The following KCNN2 variants were observed in gnomAD, a reference collection of about 807,000 sequenced individuals.
The protein encoded by KCNN2 is potassium calcium-activated channel subfamily N member 2.
Under a neutral mutation model 55.5 loss-of-function variants are expected in KCNN2, and 24 were observed. The ratio of observed to expected loss-of-function variants is 0.43; its 90% CI spans 0.31 to 0.61. The LOEUF is 0.61. Among genes scored for constraint, KCNN2 ranks in the 20% least tolerant of loss-of-function variants. KCNN2 has a pLI of 0.08. For missense variants in KCNN2, 754 were observed against 853.6 expected (o/e 0.88, Z 1.45); for synonymous variants, 431 against 336.1 (o/e 1.28, Z -3.09).
intron 1 of KCNN2, among the ~76,000 whole-genome samples, chr5:114,189,260 G>T (rs377049454): frequency 6.6e-6 from 1 of 152,002 alleles, no homozygotes; most frequent in East Asian, 1.9e-4. Flanking sequence ...ACCCAGGAGA[G>T]TCAATGGTAC....
chr5:114,218,871 T>G (rs1238481217), intron 1 of KCNN2, among the ~76,000 whole-genome samples: 2 of 152,218 alleles, frequency 1.3e-5, no homozygotes, highest in African/African-American at 2.4e-5. Context: ...AGCACGATAT[T>G]TCTCTGACAC....
At chr5:114,469,918 G>A (rs1561403903) in intron 4 of KCNN2, among the ~76,000 whole-genome samples, 1 of 152,136 alleles carries the variant, frequency 6.6e-6, no homozygotes, top group Non-Finnish European at 1.5e-5. Context: ...CAGTTAAGGG[G>A]TTTGTATTTG....
intron 3 of KCNN2, among the ~76,000 whole-genome samples, chr5:114,442,241 T>C (rs1283170779): frequency 6.7e-6 from 1 of 149,790 alleles, no homozygotes; most frequent in Non-Finnish European, 1.5e-5. Context: ...ACGAATTATA[T>C]ATATACATAT....
At chr5:114,178,358 C>G (rs1384143665) in intron 1 of KCNN2, among the ~76,000 whole-genome samples, 2 of 152,242 alleles carry the variant, frequency 1.3e-5, no homozygotes, top group African/African-American at 2.4e-5. Flanking sequence ...TAGAATGTGT[C>G]CATCTGAAGA....
chr5:114,367,856 T>G (rs1396386920), intron 2 of KCNN2, among the ~76,000 whole-genome samples: 1 of 152,180 alleles, frequency 6.6e-6, no homozygotes, highest in East Asian at 1.9e-4. Context: ...TACTTTGAGG[T>G]AGGCAAACAT....
chr5:114,355,482 C>A (rs572490574), intron 2 of KCNN2, among the ~76,000 whole-genome samples: 1 of 152,148 alleles, frequency 6.6e-6, no homozygotes, highest in Non-Finnish European at 1.5e-5. Flanking sequence ...AAGCTTTCAC[C>A]TCAGTATTTA....
intron 5 of KCNN2, 155 bp downstream of exon 5, chr5:114,473,319 A>T: frequency 4.7e-6 from 3 of 631,820 alleles, no homozygotes; most frequent in African/African-American, 3.6e-5. Flanking sequence ...CATTTTGAGA[A>T]TAGACTATTT....
intron 2 of KCNN2, among the ~76,000 whole-genome samples, chr5:114,351,401 T>C (rs1757201299): frequency 6.6e-6 from 1 of 151,796 alleles, no homozygotes; most frequent in Admixed American, 6.6e-5. Flanking sequence ...AAGAGATAGG[T>C]TGATTACTTC....
At chr5:114,144,072 T>G (rs1340920539) in intron 1 of KCNN2, among the ~76,000 whole-genome samples, 1 of 152,216 alleles carries the variant, frequency 6.6e-6, no homozygotes, top group Non-Finnish European at 1.5e-5. Context: ...AGCAGTTAAG[T>G]GTGCTTGAGA....
At position 114,077,889 on chromosome 5, in the gene KCNN2, A is replaced by T. The variant is rs145705844; in HGVS notation, c.-271+21389A>T. 4.0e-3 allele frequency among the ~76,000 whole-genome samples: 605 copies of T among 152,310 alleles called. 7 individuals carry two copies. The highest frequency in any genetic ancestry group is 0.014 in the African/African-American group (580 of 41,562). The stretch of plus-strand genomic sequence containing the variant: ...TCCTTCTCACCTGCCCTCTTTGTGC[A>T]ATTGAAAACAGACCAGGAGAGACTT... On this transcript the variant is annotated intron_variant, in intron 1 of 10. Transcript: ENST00000512097.
chr5:114,352,052 G>A (rs1038424382), intron 2 of KCNN2, among the ~76,000 whole-genome samples: 1 of 151,694 alleles, frequency 6.6e-6, no homozygotes, highest in Non-Finnish European at 1.5e-5. Flanking sequence ...GAAGCCAACA[G>A]GGCCTGGCCA....
chr5:114,402,274 G>GGTAT (rs1344777096), intron 2 of KCNN2, among the ~76,000 whole-genome samples: 18 of 152,264 alleles, frequency 1.2e-4, no homozygotes, highest in Admixed American at 7.8e-4. Context: ...TCATAATGAA[G>GGTAT]GTATCTTTAG....
intron 2 of KCNN2, among the ~76,000 whole-genome samples, chr5:114,241,478 T>G (rs1754619151): frequency 6.6e-6 from 1 of 151,484 alleles, no homozygotes; most frequent in South Asian, 2.1e-4. Flanking sequence ...AACTAAAATA[T>G]ACCAAAATGG....
chr5:114,159,102 C>T (rs531327749), intron 1 of KCNN2, among the ~76,000 whole-genome samples: 63 of 152,248 alleles, frequency 4.1e-4, no homozygotes, highest in Admixed American at 1.2e-3. Context: ...GGAATGCTTT[C>T]GGTTTTTGTC....
intron 2 of KCNN2, among the ~76,000 whole-genome samples, chr5:114,229,070 A>G (rs1754303415): frequency 6.6e-6 from 1 of 151,958 alleles, no homozygotes; most frequent in Non-Finnish European, 1.5e-5. Flanking sequence ...AAAGGATGGA[A>G]GCAGTAAAGC....
At chr5:114,430,739 A>G (rs749963633) in intron 3 of KCNN2, among the ~76,000 whole-genome samples, 133 of 152,130 alleles carry the variant, frequency 8.7e-4, no homozygotes, top group Middle Eastern at 3.4e-3. Flanking sequence ...GTTTTTGTGG[A>G]TGTTTTTTAC....
At chr5:114,484,065 G>A (rs544774911) in intron 5 of KCNN2, among the ~76,000 whole-genome samples, 100 of 152,252 alleles carry the variant, frequency 6.6e-4, no homozygotes, top group African/African-American at 2.2e-3. Flanking sequence ...TGATAAATAC[G>A]TGTTAGTGTG....
chr5:114,117,906 C>T (rs1043294219), intron 1 of KCNN2, among the ~76,000 whole-genome samples: 2 of 152,162 alleles, frequency 1.3e-5, no homozygotes, highest in Non-Finnish European at 2.9e-5. Context: ...GTGCCCTTAT[C>T]ATTCTCATTT....
intron 1 of KCNN2, among the ~76,000 whole-genome samples, chr5:114,105,236 G>A (rs2112574971): frequency 6.6e-6 from 1 of 152,136 alleles, no homozygotes. Flanking sequence ...CATCTTCAGA[G>A]GTGTTTTGGT....
Sources: allele counts gnomAD v4.1 joint callset (sites outside exome capture counted in the v4.1 genomes callset), GRCh38; gene constraint gnomAD v4.1.1; transcripts MANE v1.5; gene names NCBI Gene and HGNC (gene_info 2026-07-23, HGNC 2026-07-21).